PDE11A: variants seen among roughly 807,000 people sequenced by gnomAD.
PDE11A encodes the protein dual 3',5'-cyclic-AMP and -GMP phosphodiesterase 11A.
A neutral mutation model predicts 100.5 loss-of-function variants in PDE11A; 100 were observed. That is an observed-to-expected ratio of 1.00 (90% CI 0.85 to 1.18). The LOEUF is 1.18. PDE11A is among the 50% of genes most tolerant of loss of function. The pLI is 0.00. For missense variants in PDE11A, 1,141 were observed against 1,152.6 expected (o/e 0.99, Z 0.15); for synonymous variants, 381 against 420.8 (o/e 0.91, Z 1.16).
chr2:177,958,198 AT>A (rs1180611249), intron 2 of PDE11A, among the ~76,000 whole-genome samples: 2 of 152,146 alleles, frequency 1.3e-5, no homozygotes, highest in African/African-American at 4.8e-5. Context: ...GCCTCAATGC[AT>A]TTTAAAAAAT....
intron 10 of PDE11A, among the ~76,000 whole-genome samples, chr2:177,740,429 AG>A (rs1363535024): frequency 6.6e-6 from 1 of 152,228 alleles, no homozygotes; most frequent in African/African-American, 2.4e-5. Flanking sequence ...TTGTGTATCA[AG>A]CATTGTGCTA....
intron 1 of PDE11A, chr2:178,018,473 G>C: frequency 2.0e-6 from 1 of 510,068 alleles, no homozygotes; most frequent in Non-Finnish European, 3.9e-6. Flanking sequence ...TGACCTTTTA[G>C]ACTTAACACC....
At chr2:177,943,523 A>G (rs1201473478) in intron 2 of PDE11A, among the ~76,000 whole-genome samples, 4 of 152,184 alleles carry the variant, frequency 2.6e-5, no homozygotes, top group Admixed American at 2.0e-4. Flanking sequence ...AGACATTTGT[A>G]TATCATCTTT....
At chr2:177,636,715 A>T (rs182474978) in intron 19 of PDE11A, among the ~76,000 whole-genome samples, 1 of 152,190 alleles carries the variant, frequency 6.6e-6, no homozygotes, top group Non-Finnish European at 1.5e-5. Flanking sequence ...GGGTTAGATA[A>T]TTCTTTATGG....
intron 12 of PDE11A, among the ~76,000 whole-genome samples, chr2:177,712,226 A>G (rs925247695): frequency 1.3e-4 from 20 of 152,172 alleles, no homozygotes; most frequent in African/African-American, 4.6e-4. Context: ...AATGATGAGC[A>G]TAGGGTTTGG....
intron 1 of PDE11A, chr2:178,018,251 C>A: frequency 2.4e-6 from 1 of 412,370 alleles, no homozygotes; most frequent in South Asian, 2.2e-5. Flanking sequence ...AATCCTTGCT[C>A]TGCGATGGAC....
chr2:177,956,540 C>G (rs527756605), intron 2 of PDE11A, among the ~76,000 whole-genome samples: 172 of 152,258 alleles, frequency 1.1e-3, no homozygotes, highest in Middle Eastern at 0.01. Flanking sequence ...TACCATTTGA[C>G]CCAGCCATCC....
intron 4 of PDE11A, among the ~76,000 whole-genome samples, chr2:177,878,977 A>G (rs989962957): frequency 1.3e-5 from 2 of 152,204 alleles, no homozygotes; most frequent in Non-Finnish European, 2.9e-5. Flanking sequence ...TTATCAATAA[A>G]CTGTTAATTG....
chr2:177,910,170 A>G (rs2084855841), intron 2 of PDE11A, among the ~76,000 whole-genome samples: 1 of 152,096 alleles, frequency 6.6e-6, no homozygotes, highest in South Asian at 2.1e-4. Flanking sequence ...GAAATGTTCT[A>G]CCCTGTGTCA....
In PDE11A at chr2:177,966,469, T is replaced by G. The variant is rs563160116; in HGVS notation, c.1071+47833A>C. 1.6e-3 allele frequency among the ~76,000 whole-genome samples: 249 copies of G among 152,312 alleles called. 2 individuals carry two copies. The highest frequency in any genetic ancestry group is 5.6e-3 in the African/African-American group (233 of 41,578). Reference sequence around the variant, plus strand: ...AGTTTTTGCCCATTTAGTATGATGTTGGCTGTGGGTCTGTCATAGATAGCT... The same window carrying G: ...AGTTTTTGCCCATTTAGTATGATGTGGGCTGTGGGTCTGTCATAGATAGCT... On this transcript the variant is annotated intron_variant, in intron 2 of 19. Coordinates refer to ENST00000286063, the MANE Select transcript of PDE11A (RefSeq NM_016953.4).
At chr2:177,673,433 C>T (rs940594672) in intron 17 of PDE11A, among the ~76,000 whole-genome samples, 7 of 152,190 alleles carry the variant, frequency 4.6e-5, no homozygotes, top group Admixed American at 1.3e-4. Context: ...ACAGTGAGTA[C>T]CCAGTGGGAT....
At chr2:177,650,157 C>T (rs1275888621) in intron 19 of PDE11A, among the ~76,000 whole-genome samples, 1 of 152,218 alleles carries the variant, frequency 6.6e-6, no homozygotes, top group Non-Finnish European at 1.5e-5. Flanking sequence ...CTCATTGCTC[C>T]TCAGCATTTC....
intron 10 of PDE11A, among the ~76,000 whole-genome samples, chr2:177,747,970 C>T (rs1164839553): frequency 3.3e-5 from 5 of 152,048 alleles, no homozygotes; most frequent in Non-Finnish European, 5.9e-5. Context: ...CAGTCCAGAC[C>T]CTCCCGATCC....
chr2:178,099,917 T>C (rs2087541490), intron 2 of PDE11A, among the ~76,000 whole-genome samples: 1 of 152,210 alleles, frequency 6.6e-6, no homozygotes, highest in African/African-American at 2.4e-5. Flanking sequence ...TAATAGAATA[T>C]TATTCAGTCT....
At chr2:177,950,739 G>A (rs1427767764) in intron 2 of PDE11A, among the ~76,000 whole-genome samples, 2 of 152,286 alleles carry the variant, frequency 1.3e-5, no homozygotes, top group South Asian at 2.1e-4. Flanking sequence ...GTGAAACCCC[G>A]TCTTTATTAA....
intron 2 of PDE11A, among the ~76,000 whole-genome samples, chr2:177,930,545 A>G (rs1267201387): frequency 6.6e-6 from 1 of 152,266 alleles, no homozygotes; most frequent in Admixed American, 6.5e-5. Flanking sequence ...TCTGAGTAAC[A>G]GAGAATACTG....
intron 2 of PDE11A, among the ~76,000 whole-genome samples, chr2:177,964,577 C>A (rs1012378514): frequency 1.3e-5 from 2 of 152,070 alleles, no homozygotes; most frequent in Non-Finnish European, 2.9e-5. Flanking sequence ...GTCTATTGTT[C>A]CCTTCTTTGT....
chr2:177,778,311 G>A (rs1009155352), intron 9 of PDE11A, among the ~76,000 whole-genome samples: 1 of 152,138 alleles, frequency 6.6e-6, no homozygotes, highest in Non-Finnish European at 1.5e-5. Flanking sequence ...TGCACCAATT[G>A]TCTTGAATGT....
At chr2:177,985,613 A>G (rs1044758112) in intron 2 of PDE11A, among the ~76,000 whole-genome samples, 1 of 152,230 alleles carries the variant, frequency 6.6e-6, no homozygotes, top group African/African-American at 2.4e-5. Context: ...CATGGAGGCA[A>G]TGCAAGAATT....
Sources: gnomAD v4.1 joint callset for allele counts (sites outside exome capture counted in the v4.1 genomes callset) on GRCh38, gnomAD v4.1.1 for gene constraint, MANE v1.5 for transcripts, NCBI Gene and HGNC (gene_info 2026-07-23, HGNC 2026-07-21) for gene names.